Variants in DPP4 observed in about 807,000 individuals in gnomAD.
The protein encoded by DPP4 is ADCP-2.
DPP4 carries 93 observed loss-of-function variants against 122.4 expected under a neutral mutation model. The observed-to-expected ratio is 0.76, with a 90% CI of 0.64 to 0.90. The LOEUF is 0.90. Ranked by LOEUF, DPP4 falls within the 40% of genes least tolerant of loss-of-function variation. The probability of loss-of-function intolerance (pLI) is 0.00; values close to 1 mark genes in which losing one functional copy is unlikely to be tolerated. For missense variants in DPP4, 914 were observed against 907.3 expected (o/e 1.01, Z -0.09); for synonymous variants, 321 against 302.9 (o/e 1.06, Z -0.62).
chr2:162,066,227 C>A (rs1328859871), intron 2 of DPP4, among the ~76,000 whole-genome samples: 1 of 152,080 alleles, frequency 6.6e-6, no homozygotes, highest in Non-Finnish European at 1.5e-5. Flanking sequence ...CATTGTCTTA[C>A]CTCCAAAATA....
At position 161,993,116 on chromosome 2, in the gene DPP4, T is replaced by C; in HGVS notation, c.*167A>G. Reference sequence around the variant, plus strand: ...TAATAATCTGTTGTGAAGACAGAAGTCCCTACTTAAGATGATAGGTATGAA... The same window carrying C: ...TAATAATCTGTTGTGAAGACAGAAGCCCCTACTTAAGATGATAGGTATGAA... On this transcript the variant is annotated 3_prime_UTR_variant, in exon 26 of 26. Transcript: ENST00000360534. 1.8e-6 allele frequency: 1 copy of C among 568,608 alleles called. No homozygotes were observed. Among genetic ancestry groups the C allele is most frequent in the Non-Finnish European group, 3.2e-6 (1 of 316,386 alleles). 35.2% of individuals were successfully genotyped at this position (568,608 alleles called of 1,614,324 possible).
At chr2:162,029,216 T>C (rs76067933) in intron 10 of DPP4, among the ~76,000 whole-genome samples, 1 of 152,358 alleles carries the variant, frequency 6.6e-6, no homozygotes, top group African/African-American at 2.4e-5. Flanking sequence ...TGTTGGGTAA[T>C]ATTAATTCCC....
At chr2:162,043,734 T>C (rs1278844039) in intron 5 of DPP4, among the ~76,000 whole-genome samples, 1 of 152,158 alleles carries the variant, frequency 6.6e-6, no homozygotes, top group African/African-American at 2.4e-5. Context: ...CAGTTTAAAA[T>C]ATACTGAGGC....
intron 10 of DPP4, among the ~76,000 whole-genome samples, chr2:162,026,938 A>T (rs1683350827): frequency 6.6e-6 from 1 of 152,188 alleles, no homozygotes; most frequent in Admixed American, 6.5e-5. Flanking sequence ...TGTGGTCCAC[A>T]TCTCTGTCAC....
intron 23 of DPP4, among the ~76,000 whole-genome samples, chr2:162,005,189 C>T (rs1221952336): frequency 6.6e-6 from 1 of 152,134 alleles, no homozygotes; most frequent in Non-Finnish European, 1.5e-5. Context: ...AGCAACCTGC[C>T]CACTGGTTCT....
At chr2:162,022,920 T>C (rs991386407) in intron 11 of DPP4, 121 bp from the exon 12 acceptor site, 8 of 968,746 alleles carry the variant, frequency 8.3e-6, no homozygotes, top group Middle Eastern at 2.1e-4. Context: ...TCTCCATTCA[T>C]ATATTTCTAT....
chr2:162,017,158 G>T lies in DPP4; in HGVS notation c.1421-3C>A, dbSNP rs373591144. On this transcript the variant is annotated splice_polypyrimidine_tract_variant and splice_region_variant and intron_variant, in intron 16 of 25. Transcript: ENST00000360534. ...AGTATAGAGGGGCAGACCAGGACCT[G>T]TTAACACAATGGGGGAAAAATGTTT... 3.1e-6 allele frequency: 5 copies of T among 1,611,050 alleles called. 1 individual carries two copies. In the South Asian group the frequency reaches 4.4e-5, roughly 14 times the overall value.
intron 23 of DPP4, among the ~76,000 whole-genome samples, chr2:161,997,415 TA>T (rs1314468303): frequency 1.3e-5 from 2 of 152,162 alleles, no homozygotes; most frequent in Non-Finnish European, 2.9e-5. Context: ...ATAAGATCCA[TA>T]AGAAAAAAGA....
At chr2:162,009,477 A>T (rs1358498223) in intron 20 of DPP4, among the ~76,000 whole-genome samples, 182 bp from the exon 21 acceptor site, 1 of 151,728 alleles carries the variant, frequency 6.6e-6, no homozygotes, top group Non-Finnish European at 1.5e-5. Flanking sequence ...TAAGATCCAG[A>T]TGAACATGGT....
In DPP4 at chr2:162,008,588, G is replaced by A. The variant is rs149643982; in HGVS notation, c.1961C>T (p.Ala654Val). The change falls in exon 22 of 26, where the codon GCG becomes GTG. Residue 654 changes from alanine (A) to valine (V), a missense_variant. Transcript: ENST00000360534. ...SGVFKCGIAV[A>V]PVSRWEYYDS... ...ATAGTACTCCCACCGGGATACAGGC[G>A]CCACGGCTATTCCACACTTGAACAC... 176 of 1,613,514 alleles carry A rather than the reference G, an allele frequency of 1.1e-4. No individual in the cohort carries two copies. Among genetic ancestry groups the A allele is most frequent in the Middle Eastern group, 1.7e-4 (1 of 6,060 alleles).
chr2:162,069,418 C>G (rs1685045699), intron 2 of DPP4, among the ~76,000 whole-genome samples: 1 of 152,184 alleles, frequency 6.6e-6, no homozygotes, highest in African/African-American at 2.4e-5. Flanking sequence ...CAGCTCCAGT[C>G]TTTTTATATT....
At chr2:162,038,237 A>G in intron 8 of DPP4, 65 bp downstream of exon 8, 1 of 1,415,526 alleles carries the variant, frequency 7.1e-7, no homozygotes, top group Non-Finnish European at 9.5e-7. Context: ...CCATTGCAAA[A>G]GAAACATTTA....
intron 14 of DPP4, 102 bp downstream of exon 14, chr2:162,020,127 A>G: frequency 3.1e-6 from 3 of 976,402 alleles, no homozygotes; most frequent in Non-Finnish European, 4.7e-6. Flanking sequence ...CATTCCAAAA[A>G]GACTACTCTT....
At chr2:162,020,726 A>C in intron 12 of DPP4, 38 bp from the exon 13 acceptor site, 1 of 1,494,286 alleles carries the variant, frequency 6.7e-7, no homozygotes, top group Non-Finnish European at 9.2e-7. Context: ...ATTAAAGCAC[A>C]GTGTCTCATC....
At chr2:161,993,579 T>A (rs1700919193) in intron 25 of DPP4, among the ~76,000 whole-genome samples, 195 bp from the exon 26 acceptor site, 1 of 152,178 alleles carries the variant, frequency 6.6e-6, no homozygotes, top group Non-Finnish European at 1.5e-5. Flanking sequence ...CCAGGGCACG[T>A]TGTTCTGTCC....
chr2:162,068,167 C>A (rs533040122), intron 2 of DPP4, among the ~76,000 whole-genome samples: 1 of 152,078 alleles, frequency 6.6e-6, no homozygotes, highest in Non-Finnish European at 1.5e-5. Flanking sequence ...TCAGTCATTG[C>A]CTATATACAG....
At chr2:161,997,717 A>G (rs1457013789) in intron 23 of DPP4, among the ~76,000 whole-genome samples, 1 of 152,206 alleles carries the variant, frequency 6.6e-6, no homozygotes, top group Non-Finnish European at 1.5e-5. Context: ...AGCATCACAT[A>G]TAAATAAGGG....
chr2:162,036,176 C>G (rs1683762980), intron 8 of DPP4, among the ~76,000 whole-genome samples: 1 of 152,108 alleles, frequency 6.6e-6, no homozygotes. Flanking sequence ...AGATATTCCA[C>G]AAGTCTCATG....
At chr2:162,006,098 T>G (rs1300486803) in intron 22 of DPP4, among the ~76,000 whole-genome samples, 1 of 152,208 alleles carries the variant, frequency 6.6e-6, no homozygotes, top group East Asian at 1.9e-4. Flanking sequence ...CAATTTTCCC[T>G]TACGATGGGG....
Sources: allele counts gnomAD v4.1 joint callset (sites outside exome capture counted in the v4.1 genomes callset), GRCh38; gene constraint gnomAD v4.1.1; transcripts MANE v1.5; gene names NCBI Gene and HGNC (gene_info 2026-07-23, HGNC 2026-07-21).